PI4KA: variants seen among roughly 807,000 people sequenced by gnomAD.
PI4KA encodes the protein PI4-kinase alpha.
Under a neutral mutation model 271.4 loss-of-function variants are expected in PI4KA, and 122 were observed. The observed-to-expected ratio is 0.45, with a 90% CI of 0.39 to 0.52. The LOEUF (loss-of-function observed/expected upper bound fraction) is 0.52, where lower values mean the gene tolerates loss of function less well. PI4KA is among the 20% of genes least tolerant of loss of function. PI4KA has a pLI of 0.00. For synonymous variants in PI4KA, 1,041 were observed against 1,078.8 expected, an observed-to-expected ratio of 0.96 and a Z score of 0.69; for missense variants, 1,969 against 2,769.1, an observed-to-expected ratio of 0.71 and a Z score of 6.48.
chr22:20,720,382 T>A (rs941316385), intron 43 of PI4KA, among the ~76,000 whole-genome samples: 1 of 152,074 alleles, frequency 6.6e-6, no homozygotes, highest in Non-Finnish European at 1.5e-5. Context: ...GAAGCTAGGC[T>A]GAGCTACAAA....
chr22:20,725,786 C>T (rs1427847149), intron 42 of PI4KA: 1 of 293,408 alleles, frequency 3.4e-6, no homozygotes, highest in South Asian at 3.1e-5. Context: ...ATCCCAGTTA[C>T]TTGGGAGGGG....
chr22:20,765,595 C>A lies in PI4KA; in HGVS notation c.2427G>T (p.Val809=). ...WLYSVLMGFA[V]EGSGLWPEEW... ...AGATGATCCCCCTACCTGAGCCCTCCACAGCGAATCCCATCAGAACGGAAT... is the reference window on the plus strand; with the variant it reads ...AGATGATCCCCCTACCTGAGCCCTCAACAGCGAATCCCATCAGAACGGAAT... The change falls in exon 20 of 55, where the codon GTG becomes GTT. Residue 809 remains valine (V), a synonymous_variant. Coordinates refer to ENST00000255882, the MANE Select transcript of PI4KA (RefSeq NM_058004.4). 2 of 1,599,174 alleles carry A rather than the reference C, an allele frequency of 1.3e-6. No individual in the cohort carries two copies. Among genetic ancestry groups the A allele is most frequent in the Non-Finnish European group, 1.7e-6 (2 of 1,167,028 alleles).
intron 23 of PI4KA, 115 bp downstream of exon 23, chr22:20,761,189 C>A: frequency 1.4e-6 from 1 of 691,138 alleles, no homozygotes; most frequent in Non-Finnish European, 2.7e-6. Context: ...CTTTCTCATG[C>A]AATATTTAAC....
Position 20,803,319 on chromosome 22 carries a change from C to T in PI4KA, c.1463G>A (p.Gly488Asp). ...GAACCTCTCGCACAGGCGGCCCAAA[C>T]CCTGCAACACACCATCAACCTGTCA... ...HLPLLICCLQ[G>D]LGRLCERFPV... The change falls in exon 13 of 55, where the codon GGT becomes GAT. Residue 488 changes from glycine (G) to aspartate (D), a missense_variant and splice_region_variant. Gly to Asp is a moderately conservative substitution (Grantham distance 94, BLOSUM62 -1). This residue lies in a region of PI4KA where 228 missense variants were observed against 261.6 expected (regional missense o/e 0.87). Coordinates refer to ENST00000255882, the MANE Select transcript of PI4KA (RefSeq NM_058004.4). The T allele has an allele frequency of 1.2e-6, 2 of 1,613,994 alleles. No homozygotes were observed. Among genetic ancestry groups the T allele is most frequent in the Non-Finnish European group, 1.7e-6 (2 of 1,179,910 alleles).
intron 7 of PI4KA, among the ~76,000 whole-genome samples, chr22:20,817,422 T>C (rs1288519028): frequency 1.3e-5 from 2 of 152,008 alleles, no homozygotes; most frequent in Admixed American, 1.3e-4. Context: ...AAGTACTTTG[T>C]GAACAGCAGA....
intron 6 of PI4KA, among the ~76,000 whole-genome samples, chr22:20,818,923 T>A (rs575839582): frequency 4.6e-5 from 7 of 152,302 alleles, no homozygotes; most frequent in African/African-American, 1.7e-4. Context: ...CACTTATAAA[T>A]CTTATGTTGG....
rs1925469499 is a variant in PI4KA at position 20,712,715 on chromosome 22, C to CCT, written c.5653_5654insAG (p.Arg1885GlnfsTer12). The CCT allele has an allele frequency of 6.5e-7, 1 of 1,550,040 alleles. No individual in the cohort carries two copies. Among genetic ancestry groups the CCT allele is most frequent in the East Asian group, 2.4e-5 (1 of 41,162 alleles). On this transcript the variant is annotated frameshift_variant, in exon 49 of 55. Transcript: ENST00000255882. LOFTEE classifies it high-confidence loss of function. ...TACCCCAGGGGCAGTGGCCACCACG[C>CCT]GGTAGGGAAAAACAAAGAGGTCCAG...
chr22:20,738,421 A>G (rs555693828), intron 32 of PI4KA, among the ~76,000 whole-genome samples: 2 of 152,376 alleles, frequency 1.3e-5, no homozygotes, highest in South Asian at 4.1e-4. Flanking sequence ...TAAGTATCAT[A>G]CAAGGATCAT....
At position 20,834,644 on chromosome 22, in the gene PI4KA, A is replaced by G; in HGVS notation, c.285T>C (p.Cys95=). Residue 95 remains cysteine (C), a synonymous_variant, in exon 3 of 55, where the codon TGT becomes TGC. Coordinates refer to ENST00000255882, the MANE Select transcript of PI4KA (RefSeq NM_058004.4). ...LIESDLQHKD[C]VVPYLLRLLK... is the part of the protein sequence containing the mutation. ...GAAGTCGAAGAAGGTAAGGAACCAC[A>G]CAATCTTTGTGCTAAAAAATAATAA... The G allele has an allele frequency of 1.3e-6, 2 of 1,597,578 alleles. No homozygotes were observed. The highest frequency in any genetic ancestry group is 8.6e-7 in the Non-Finnish European group (1 of 1,165,382).
chr22:20,710,890 G>C (rs1301223013), intron 51 of PI4KA, 32 bp from the exon 52 acceptor site: 1 of 1,609,204 alleles, frequency 6.2e-7, no homozygotes, highest in African/African-American at 1.3e-5. Context: ...CCTGTGACTG[G>C]GTAGGAGCCA....
At chr22:20,797,297 C>T (rs1453264378) in intron 17 of PI4KA, among the ~76,000 whole-genome samples, 2 of 152,110 alleles carry the variant, frequency 1.3e-5, no homozygotes, top group Non-Finnish European at 2.9e-5. Context: ...AACTGAAGAA[C>T]TGGAAGGATG....
Position 20,713,292 on chromosome 22 carries a change from C to G in PI4KA, c.5560G>C (p.Asp1854His), listed in dbSNP as rs747119727. The G allele has an allele frequency of 1.3e-6, 2 of 1,584,076 alleles. No individual in the cohort carries two copies. Among genetic ancestry groups the G allele is most frequent in the Non-Finnish European group, 1.7e-6 (2 of 1,163,344 alleles). The change falls in exon 48 of 55, where the codon GAC (aspartate) becomes CAC (histidine). Residue 1854 changes from aspartate to histidine, a missense_variant. By Grantham distance (81) the Asp-to-His change is moderately conservative. This residue lies in a region of PI4KA where 388 missense variants were observed against 521.5 expected (regional missense o/e 0.74). Transcript: ENST00000255882. ...CTGACCCTGCTTACCTGCCGGCAGT[C>G]GTCTCCCACCTTGAAGATGGCTGCC... ...WQAAIFKVGD[D>H]CRQDMLALQI...
intron 3 of PI4KA, among the ~76,000 whole-genome samples, chr22:20,829,533 G>A (rs1923880507): frequency 6.6e-6 from 1 of 150,852 alleles, no homozygotes; most frequent in Non-Finnish European, 1.5e-5. Context: ...TTCTGGTTGT[G>A]TCTATTTGGA....
chr22:20,778,225 G>T (rs1456662963), intron 19 of PI4KA, among the ~76,000 whole-genome samples: 2 of 152,146 alleles, frequency 1.3e-5, no homozygotes, highest in Admixed American at 6.5e-5. Flanking sequence ...CCCAGGTCAG[G>T]CGTGGTGGCT....
At chr22:20,843,888 C>T (rs1435225428) in intron 1 of PI4KA, among the ~76,000 whole-genome samples, 1 of 152,188 alleles carries the variant, frequency 6.6e-6, no homozygotes, top group Non-Finnish European at 1.5e-5. Context: ...CCCAAAACTT[C>T]TCTCATAAAC....
chr22:20,849,810 C>T (rs1416752157), intron 1 of PI4KA, among the ~76,000 whole-genome samples: 3 of 152,014 alleles, frequency 2.0e-5, no homozygotes, highest in South Asian at 2.1e-4. Context: ...GCCGAGATCG[C>T]GCCACTGCAC....
At chr22:20,787,130 C>A in intron 19 of PI4KA, 1 of 1,405,286 alleles carries the variant, frequency 7.1e-7, no homozygotes, top group Non-Finnish European at 1.0e-6. Context: ...ATTCCAACAA[C>A]GAGAACAGAG....
intron 19 of PI4KA, chr22:20,786,051 A>G (rs997738856): frequency 1.1e-5 from 18 of 1,614,084 alleles, no homozygotes; most frequent in Admixed American, 6.7e-5. Flanking sequence ...AAGAACTACA[A>G]TCTAGTGGAG....
At chr22:20,775,436 T>C (rs1277960644) in intron 19 of PI4KA, among the ~76,000 whole-genome samples, 5 of 152,242 alleles carry the variant, frequency 3.3e-5, no homozygotes, top group Non-Finnish European at 7.3e-5. Flanking sequence ...AAACTATTTT[T>C]GGCTTTTTAT....
Sources: allele counts gnomAD v4.1 joint callset (sites outside exome capture counted in the v4.1 genomes callset), GRCh38; gene constraint gnomAD v4.1.1; regional missense constraint gnomAD v4.1.1; transcripts MANE v1.5; gene names NCBI Gene and HGNC (gene_info 2026-07-23, HGNC 2026-07-21).